The following SLC14A2 variants were observed in gnomAD, a reference collection of about 807,000 sequenced individuals.
SLC14A2 encodes urea transporter 2.
Under a neutral mutation model 104.6 loss-of-function variants are expected in SLC14A2, and 91 were observed. The ratio of observed to expected loss-of-function variants is 0.87; its 90% CI spans 0.73 to 1.04. The LOEUF is 1.04. SLC14A2 is among the 50% of genes least tolerant of loss of function. SLC14A2 has a pLI of 0.00. For synonymous variants in SLC14A2, 476 were observed against 466.4 expected (o/e 1.02, Z -0.27); for missense variants, 1,189 against 1,156.0 (o/e 1.03, Z -0.41).
At chr18:45,621,099 G>T (rs1274544570) in intron 1 of SLC14A2, among the ~76,000 whole-genome samples, 2 of 152,154 alleles carry the variant, frequency 1.3e-5, no homozygotes, top group East Asian at 3.9e-4. Context: ...CTTTTCATAT[G>T]GTTGGCTTGG....
At chr18:45,502,118 G>A (rs981236719) in intron 2 of SLC14A2, among the ~76,000 whole-genome samples, 4 of 152,190 alleles carry the variant, frequency 2.6e-5, no homozygotes, top group African/African-American at 9.7e-5. Flanking sequence ...AGTGACTTTA[G>A]TGTGGGGCAG....
chr18:45,396,066 G>A (rs1834379935), intron 1 of SLC14A2, among the ~76,000 whole-genome samples: 1 of 152,100 alleles, frequency 6.6e-6, no homozygotes, highest in African/African-American at 2.4e-5. Flanking sequence ...AACCTTTTTG[G>A]TCAAATGAAT....
intron 1 of SLC14A2, among the ~76,000 whole-genome samples, chr18:45,383,714 C>G (rs910965637): frequency 5.3e-5 from 8 of 152,318 alleles, no homozygotes; most frequent in African/African-American, 1.9e-4. Context: ...CAGGCTTAAT[C>G]TTGCCCCAAG....
At chr18:45,430,699 C>T (rs938919530) in intron 1 of SLC14A2, among the ~76,000 whole-genome samples, 3 of 152,134 alleles carry the variant, frequency 2.0e-5, no homozygotes, top group African/African-American at 4.8e-5. Context: ...CCTCAACCTC[C>T]TGAGTAGCTG....
the SLC14A2 span, among the ~76,000 whole-genome samples, chr18:45,194,865 C>T: frequency 6.6e-6 from 1 of 152,046 alleles, no homozygotes; most frequent in South Asian, 2.1e-4. Flanking sequence ...AGGACGGTCT[C>T]AATCTCCCGA....
At chr18:45,371,537 GACTT>G (rs2085722374) in intron 1 of SLC14A2, among the ~76,000 whole-genome samples, 1 of 152,172 alleles carries the variant, frequency 6.6e-6, no homozygotes, top group Admixed American at 6.5e-5. Context: ...AATAAACTGA[GACTT>G]AGCTAGTTAA....
intron 1 of SLC14A2, among the ~76,000 whole-genome samples, chr18:45,460,710 C>T (rs1031055584): frequency 6.6e-6 from 1 of 152,158 alleles, no homozygotes. Flanking sequence ...TCCTTGGCAA[C>T]TTTTCATGTT....
chr18:45,279,334 GT>G (rs1375756704), intron 1 of SLC14A2, among the ~76,000 whole-genome samples: 1 of 152,214 alleles, frequency 6.6e-6, no homozygotes, highest in Non-Finnish European at 1.5e-5. Context: ...ACGGGCAAAG[GT>G]GAAGTTTCCT....
intron 2 of SLC14A2, chr18:45,529,453 A>G (rs2043648057): frequency 6.6e-6 from 1 of 151,138 alleles, no homozygotes; most frequent in Admixed American, 6.6e-5. Flanking sequence ...ATGGTTTTCC[A>G]TAAGAAAAAA....
At chr18:45,186,126 CTA>C in the SLC14A2 span, among the ~76,000 whole-genome samples, 1 of 152,114 alleles carries the variant, frequency 6.6e-6, no homozygotes, top group Non-Finnish European at 1.5e-5. Context: ...CAAAATGACT[CTA>C]AAATTCCTAT....
intron 1 of SLC14A2, among the ~76,000 whole-genome samples, chr18:45,401,504 C>T (rs2086095720): frequency 6.6e-6 from 1 of 152,176 alleles, no homozygotes; most frequent in South Asian, 2.1e-4. Context: ...GAGGCTGAAG[C>T]TGATGGCTGA....
At chr18:45,181,661 G>T in the SLC14A2 span, among the ~76,000 whole-genome samples, 2 of 151,988 alleles carry the variant, frequency 1.3e-5, no homozygotes, top group African/African-American at 2.4e-5. Context: ...AAAATTAAAA[G>T]AAATTGCACA....
At chr18:45,430,498 T>C (rs1161953281) in intron 1 of SLC14A2, among the ~76,000 whole-genome samples, 1 of 152,168 alleles carries the variant, frequency 6.6e-6, no homozygotes, top group Non-Finnish European at 1.5e-5. Context: ...GAGAGATCTG[T>C]GTGGATTGGG....
chr18:45,212,363 G>T (rs1161904164), upstream of SLC14A2, among the ~76,000 whole-genome samples: 1 of 152,158 alleles, frequency 6.6e-6, no homozygotes, highest in Non-Finnish European at 1.5e-5. Flanking sequence ...TTTAATCCAA[G>T]CCCTGTAATT....
chr18:45,479,865 G>C (rs900969884), intron 1 of SLC14A2, among the ~76,000 whole-genome samples: 1 of 152,184 alleles, frequency 6.6e-6, no homozygotes, highest in Non-Finnish European at 1.5e-5. Context: ...ACTCTGTCCG[G>C]ATGTGGCCAG....
chr18:45,289,393 G>A (rs2084847157), intron 1 of SLC14A2, among the ~76,000 whole-genome samples: 1 of 151,904 alleles, frequency 6.6e-6, no homozygotes, highest in African/African-American at 2.4e-5. Context: ...CTTGAGGCTG[G>A]AATTTAATGA....
intron 2 of SLC14A2, among the ~76,000 whole-genome samples, chr18:45,559,325 C>A (rs1274335853): frequency 2.0e-5 from 3 of 152,126 alleles, no homozygotes; most frequent in Non-Finnish European, 4.4e-5. Flanking sequence ...TGAAGTTGAA[C>A]CCCTTAATCC....
chr18:45,309,887 G>T (rs1042000185), intron 1 of SLC14A2, among the ~76,000 whole-genome samples: 2 of 151,778 alleles, frequency 1.3e-5, no homozygotes, highest in South Asian at 2.1e-4. Context: ...TAAATTTGAT[G>T]ATCATCATTC....
chr18:45,320,358 G>A (rs775608330), intron 1 of SLC14A2, among the ~76,000 whole-genome samples: 17 of 152,232 alleles, frequency 1.1e-4, no homozygotes, highest in East Asian at 1.9e-4. Context: ...TGAGGCTAAC[G>A]ACTTTCATGT....
Sources: gnomAD v4.1 joint callset for allele counts (sites outside exome capture counted in the v4.1 genomes callset) on GRCh38, gnomAD v4.1.1 for gene constraint, MANE v1.5 for transcripts, NCBI Gene and HGNC (gene_info 2026-07-23, HGNC 2026-07-21) for gene names.